The following CPNE4 variants were observed in gnomAD, a reference collection of about 807,000 sequenced individuals.
The protein encoded by CPNE4 is copine-4.
A neutral mutation model predicts 67.9 loss-of-function variants in CPNE4; 25 were observed. The ratio of observed to expected loss-of-function variants is 0.37; its 90% CI spans 0.27 to 0.51. CPNE4 has a LOEUF of 0.51. CPNE4 is among the 20% of genes least tolerant of loss of function. CPNE4 has a pLI of 0.93. For synonymous variants in CPNE4, 242 were observed against 244.9 expected (o/e 0.99, Z 0.11); for missense variants, 464 against 690.8 (o/e 0.67, Z 3.68).
chr3:132,002,257 G>C (rs1180367124), intron 1 of CPNE4, among the ~76,000 whole-genome samples: 1 of 152,130 alleles, frequency 6.6e-6, no homozygotes, highest in African/African-American at 2.4e-5. Flanking sequence ...TGCAGAGATG[G>C]AGATATTAAA....
rs1385646936 is a variant in CPNE4, at chr3:131,550,083, G to A, written c.1169-3C>T. 1.9e-6 allele frequency: 3 copies of A among 1,612,804 alleles called. No homozygotes were observed. Among genetic ancestry groups the A allele is most frequent in the African/African-American group, 2.7e-5 (2 of 74,948 alleles). ...GGCTTCCACAACTCCTTGAATTCCT[G>A]AGGTGAAATTGGCAAAGATCAACAG... On this transcript the variant is annotated splice_region_variant and splice_polypyrimidine_tract_variant and intron_variant, in intron 13 of 15. Transcript: ENST00000429747.
At chr3:131,735,407 C>T (rs2082212551) in intron 2 of CPNE4, among the ~76,000 whole-genome samples, 1 of 152,200 alleles carries the variant, frequency 6.6e-6, no homozygotes, top group Non-Finnish European at 1.5e-5. Context: ...ACTAGCTCTA[C>T]AGGCAGCTCC....
At chr3:131,839,335 T>C (rs930199028) in intron 2 of CPNE4, among the ~76,000 whole-genome samples, 2 of 151,866 alleles carry the variant, frequency 1.3e-5, no homozygotes, top group African/African-American at 2.4e-5. Flanking sequence ...AAAGATAATA[T>C]TGATGGAGAC....
At chr3:131,621,067 T>G (rs1940437717) in intron 7 of CPNE4, among the ~76,000 whole-genome samples, 1 of 152,140 alleles carries the variant, frequency 6.6e-6, no homozygotes, top group East Asian at 1.9e-4. Context: ...AAAACCAGCA[T>G]GGAGGCAAAA....
chr3:131,913,611 A>G (rs953632967), intron 1 of CPNE4, among the ~76,000 whole-genome samples: 1 of 152,146 alleles, frequency 6.6e-6, no homozygotes, highest in African/African-American at 2.4e-5. Context: ...CCCTCTACCA[A>G]GTATATGTTC....
At chr3:131,948,187 A>G (rs1158975643) in intron 1 of CPNE4, among the ~76,000 whole-genome samples, 1 of 152,040 alleles carries the variant, frequency 6.6e-6, no homozygotes, top group Non-Finnish European at 1.5e-5. Flanking sequence ...CAGACCTTGA[A>G]TTTTAATCCC....
chr3:131,952,440 C>T (rs537926473), intron 1 of CPNE4, among the ~76,000 whole-genome samples: 16 of 141,944 alleles, frequency 1.1e-4, no homozygotes, highest in African/African-American at 3.2e-4. Flanking sequence ...GGAGCGTCTC[C>T]GCCCAGCAGC....
intron 2 of CPNE4, among the ~76,000 whole-genome samples, chr3:131,725,480 T>G (rs1246559947): frequency 6.6e-6 from 1 of 152,254 alleles, no homozygotes; most frequent in Non-Finnish European, 1.5e-5. Flanking sequence ...GTTATCTGCC[T>G]GTTCCAGCTT....
At chr3:131,686,112 T>A (rs2080882238) in intron 5 of CPNE4, among the ~76,000 whole-genome samples, 154 bp from the exon 6 acceptor site, 1 of 152,200 alleles carries the variant, frequency 6.6e-6, no homozygotes, top group Non-Finnish European at 1.5e-5. Context: ...CCTGCCCAGT[T>A]CTACTCAAAC....
At chr3:131,611,976 AG>A (rs1235534811) in intron 7 of CPNE4, among the ~76,000 whole-genome samples, 1 of 152,196 alleles carries the variant, frequency 6.6e-6, no homozygotes, top group African/African-American at 2.4e-5. Context: ...ACAGTAACCC[AG>A]AAGGGTCAGC....
At chr3:131,870,898 G>A (rs57449866) in intron 2 of CPNE4, among the ~76,000 whole-genome samples, 49,209 of 151,924 alleles carry the variant, frequency 0.32, 8,495 homozygotes, top group African/African-American at 0.43. Context: ...AAGGCTGGAA[G>A]GTAATTCAAT....
At chr3:131,956,217 T>G (rs977227688) in intron 1 of CPNE4, among the ~76,000 whole-genome samples, 1 of 152,226 alleles carries the variant, frequency 6.6e-6, no homozygotes, top group Non-Finnish European at 1.5e-5. Context: ...AAGTAATACT[T>G]ATCTATAAAT....
chr3:131,834,677 G>A (rs2085491138), intron 2 of CPNE4, among the ~76,000 whole-genome samples: 1 of 151,948 alleles, frequency 6.6e-6, no homozygotes, highest in South Asian at 2.1e-4. Flanking sequence ...TAAAACTAAA[G>A]TCTTAACTGA....
chr3:131,718,441 A>G (rs1158415166), intron 3 of CPNE4, among the ~76,000 whole-genome samples: 1 of 152,094 alleles, frequency 6.6e-6, no homozygotes, highest in Non-Finnish European at 1.5e-5. Context: ...TCCTTTTCAC[A>G]TCCTCACTTG....
intron 2 of CPNE4, among the ~76,000 whole-genome samples, chr3:131,863,170 C>T (rs189140768): frequency 3.9e-5 from 6 of 152,210 alleles, no homozygotes; most frequent in East Asian, 1.9e-4. Flanking sequence ...AATAAATATA[C>T]GTGTGCATGT....
At chr3:131,876,559 G>A (rs188671151) in intron 2 of CPNE4, among the ~76,000 whole-genome samples, 1,552 of 148,454 alleles carry the variant, frequency 0.01, 14 homozygotes, top group Non-Finnish European at 0.016. Flanking sequence ...GGAGAATGGC[G>A]TGAACCCGGG....
At chr3:131,998,818 A>AT (rs1188424737) in intron 1 of CPNE4, among the ~76,000 whole-genome samples, 1 of 152,058 alleles carries the variant, frequency 6.6e-6, no homozygotes, top group Non-Finnish European at 1.5e-5. Context: ...ATATTATGCT[A>AT]TTTTTCACCA....
intron 2 of CPNE4, among the ~76,000 whole-genome samples, chr3:131,825,455 C>G (rs1235472715): frequency 6.7e-6 from 1 of 150,232 alleles, no homozygotes; most frequent in Non-Finnish European, 1.5e-5. Flanking sequence ...TATCATGCCG[C>G]TGCACACTCC....
chr3:131,754,229 A>C (rs1179858026), intron 2 of CPNE4, among the ~76,000 whole-genome samples: 1 of 152,190 alleles, frequency 6.6e-6, no homozygotes, highest in Non-Finnish European at 1.5e-5. Context: ...CAGTGTCCAT[A>C]TTATTTTGTG....
Sources: gnomAD v4.1 joint callset for allele counts (sites outside exome capture counted in the v4.1 genomes callset) on GRCh38, gnomAD v4.1.1 for gene constraint, MANE v1.5 for transcripts, NCBI Gene and HGNC (gene_info 2026-07-23, HGNC 2026-07-21) for gene names.